ZNF704: variants seen among roughly 807,000 people sequenced by gnomAD.
The protein encoded by ZNF704 is zinc finger protein 704, also known as glucocorticoid induced gene 1.
ZNF704 carries 10 observed loss-of-function variants against 44.7 expected under a neutral mutation model. The ratio of observed to expected loss-of-function variants is 0.22; its 90% CI spans 0.14 to 0.38. The LOEUF is 0.38. ZNF704 is among the 10% of genes least tolerant of loss of function. The pLI is 1.00. For synonymous variants in ZNF704, 211 were observed against 207.6 expected, an observed-to-expected ratio of 1.02 and a Z score of -0.14; for missense variants, 390 against 545.5, an observed-to-expected ratio of 0.71 and a Z score of 2.84.
chr8:80,849,254 C>T (rs1808818484), intron 1 of ZNF704, among the ~76,000 whole-genome samples: 1 of 152,172 alleles, frequency 6.6e-6, no homozygotes, highest in African/African-American at 2.4e-5. Context: ...AGAAAGGGAC[C>T]TCTTATCCAG....
chr8:80,736,608 C>T (rs1471687444), intron 2 of ZNF704, among the ~76,000 whole-genome samples: 1 of 152,040 alleles, frequency 6.6e-6, no homozygotes, highest in African/African-American at 2.4e-5. Context: ...CCCATGAAAA[C>T]TACGAAGGGA....
In ZNF704 at chr8:80,632,410, T is replaced by G. The variant is rs566918602; in HGVS notation, c.*8956A>C. ...CTTCCTCTGTTGGCCAGGCTGGTCTTGAACTACTGACCTCAAGTGATCCAT... is the reference window on the plus strand; with the variant it reads ...CTTCCTCTGTTGGCCAGGCTGGTCTGGAACTACTGACCTCAAGTGATCCAT... On this transcript the variant is annotated 3_prime_UTR_variant, in exon 9 of 9. Transcript: ENST00000327835. 1 of 152,336 alleles carries G rather than the reference T, an allele frequency of 6.6e-6. No individual in the cohort carries two copies. The highest frequency in any genetic ancestry group is 2.4e-5 in the African/African-American group (1 of 41,568). The allele number at this position is 152,336 out of a possible 1,614,324, so 9.4% of individuals were successfully genotyped here.
chr8:80,684,578 C>A (rs1818504234), intron 4 of ZNF704, among the ~76,000 whole-genome samples: 1 of 152,290 alleles, frequency 6.6e-6, no homozygotes, highest in South Asian at 2.1e-4. Flanking sequence ...GAAAGTTCTA[C>A]CAACTAGACA....
the ZNF704 span, among the ~76,000 whole-genome samples, chr8:80,881,546 G>A: frequency 1.4e-4 from 21 of 152,284 alleles, no homozygotes; most frequent in East Asian, 1.5e-3. Flanking sequence ...GGAAGCCTCC[G>A]TAGGATACCT....
At chr8:80,661,620 T>G (rs1390224957) in intron 6 of ZNF704, among the ~76,000 whole-genome samples, 1 of 152,162 alleles carries the variant, frequency 6.6e-6, no homozygotes, top group East Asian at 1.9e-4. Context: ...TTAAAAAGAA[T>G]GATATCCTGT....
chr8:80,727,603 C>T (rs1009446601), intron 2 of ZNF704, among the ~76,000 whole-genome samples: 7 of 151,814 alleles, frequency 4.6e-5, no homozygotes, highest in Non-Finnish European at 7.4e-5. Flanking sequence ...GTGGATGGAG[C>T]GGGTAACGAG....
At chr8:80,715,169 G>A (rs536668293) in intron 2 of ZNF704, among the ~76,000 whole-genome samples, 68 of 152,134 alleles carry the variant, frequency 4.5e-4, no homozygotes, top group Non-Finnish European at 9.4e-4. Context: ...TCACTTCCCC[G>A]TTTTCATGAG....
At chr8:80,812,769 T>C (rs1283476168) in intron 2 of ZNF704, among the ~76,000 whole-genome samples, 1 of 152,250 alleles carries the variant, frequency 6.6e-6, no homozygotes, top group Non-Finnish European at 1.5e-5. Context: ...ATTTTTATAC[T>C]ATAGATATAG....
intron 2 of ZNF704, among the ~76,000 whole-genome samples, chr8:80,743,592 T>G (rs116476046): frequency 0.023 from 3,479 of 152,298 alleles, 136 homozygotes; most frequent in African/African-American, 0.079. Flanking sequence ...CGGCACACCC[T>G]CCATTCTCGC....
At chr8:80,878,597 G>A (rs1047443003), upstream of ZNF704, among the ~76,000 whole-genome samples, 10 of 152,066 alleles carry the variant, frequency 6.6e-5, no homozygotes, top group Admixed American at 1.3e-4. Context: ...CACAGTTCTG[G>A]GAAACTTAAA....
chr8:80,865,114 G>C (rs1324750723), intron 1 of ZNF704, among the ~76,000 whole-genome samples: 1 of 152,156 alleles, frequency 6.6e-6, no homozygotes, highest in Admixed American at 6.5e-5. Flanking sequence ...CATTAATAAG[G>C]AGGTTGTAAC....
chr8:80,730,762 G>GGTTTATACCAGGGAGAAGTTAATCTCT (rs1585986746), intron 2 of ZNF704, among the ~76,000 whole-genome samples: 1 of 152,008 alleles, frequency 6.6e-6, no homozygotes, highest in East Asian at 1.9e-4. Flanking sequence ...TAAAGCTGGT[G>GGTTTATACCAGGGAGAAGTTAATCTCT]GTTTATACCA....
intron 2 of ZNF704, among the ~76,000 whole-genome samples, chr8:80,782,092 C>T (rs541959791): frequency 4.3e-4 from 65 of 152,288 alleles, no homozygotes; most frequent in Admixed American, 3.8e-3. Context: ...TCCCCATCCC[C>T]GAGCAATCAT....
intron 7 of ZNF704, among the ~76,000 whole-genome samples, chr8:80,653,289 A>C (rs1180078051): frequency 6.6e-6 from 1 of 152,088 alleles, no homozygotes; most frequent in Non-Finnish European, 1.5e-5. Context: ...CACCACTCCT[A>C]TTCAACATAG....
intron 2 of ZNF704, among the ~76,000 whole-genome samples, chr8:80,789,503 T>C (rs1198547150): frequency 6.6e-6 from 1 of 152,156 alleles, no homozygotes; most frequent in Non-Finnish European, 1.5e-5. Context: ...TCCCAGCACT[T>C]TGGGAGGCCA....
intron 2 of ZNF704, among the ~76,000 whole-genome samples, chr8:80,756,841 C>T (rs940436625): frequency 6.6e-6 from 1 of 152,212 alleles, no homozygotes; most frequent in Non-Finnish European, 1.5e-5. Flanking sequence ...GCAGGACACA[C>T]AGTCACTGCC....
rs1373668773 is a variant in ZNF704 at position 80,636,937 on chromosome 8, T to G, written c.*4429A>C. On this transcript the variant is annotated 3_prime_UTR_variant, in exon 9 of 9. Transcript: ENST00000327835. ...GCTTTCGCCTACGGAATTCTGCTGA[T>G]AGCTAATAAACAGTCATCCATTGGG... 1 of 152,190 alleles carries G rather than the reference T, an allele frequency of 6.6e-6. No individual in the cohort carries two copies. Among genetic ancestry groups the G allele is most frequent in the Non-Finnish European group, 1.5e-5 (1 of 68,040 alleles). The allele number at this position is 152,190 out of a possible 1,614,324, so 9.4% of individuals were successfully genotyped here.
chr8:80,734,154 G>A (rs1461306924), intron 2 of ZNF704, among the ~76,000 whole-genome samples: 2 of 152,200 alleles, frequency 1.3e-5, no homozygotes, highest in African/African-American at 4.8e-5. Context: ...TACAGAGACT[G>A]TCAAGCAGTT....
intron 1 of ZNF704, among the ~76,000 whole-genome samples, chr8:80,825,909 T>C (rs1247486869): frequency 6.6e-6 from 1 of 152,192 alleles, no homozygotes; most frequent in Non-Finnish European, 1.5e-5. Context: ...CAAGAACCTC[T>C]GGGACACATT....
Sources: gnomAD v4.1 joint callset for allele counts (sites outside exome capture counted in the v4.1 genomes callset) on GRCh38, gnomAD v4.1.1 for gene constraint, MANE v1.5 for transcripts, NCBI Gene and HGNC (gene_info 2026-07-23, HGNC 2026-07-21) for gene names.